Variants in OSMR observed in about 807,000 individuals in gnomAD.
The protein encoded by OSMR is oncostatin M receptor.
Under a neutral mutation model 99.9 loss-of-function variants are expected in OSMR, and 81 were observed. The observed-to-expected ratio is 0.81, with a 90% confidence interval of 0.68 to 0.97. OSMR has a LOEUF of 0.97. Among genes scored for constraint, OSMR ranks in the 50% least tolerant of loss-of-function variants. The pLI is 0.00. For missense variants in OSMR, 1,099 were observed against 1,153.4 expected (o/e 0.95, Z 0.68); for synonymous variants, 406 against 410.4 (o/e 0.99, Z 0.13).
At chr5:38,929,901 A>G (rs545392720) in intron 15 of OSMR, among the ~76,000 whole-genome samples, 3 of 152,348 alleles carry the variant, frequency 2.0e-5, no homozygotes, top group Non-Finnish European at 1.5e-5. Context: ...ATATCTCCAC[A>G]GGTAGCTACT....
chr5:38,852,621 T>C (rs969354792), intron 1 of OSMR, among the ~76,000 whole-genome samples: 11 of 152,058 alleles, frequency 7.2e-5, no homozygotes. Context: ...GTATTCATGT[T>C]TTTCTACAGA....
chr5:38,906,477 G>A (rs1239939459), intron 9 of OSMR, among the ~76,000 whole-genome samples: 2 of 152,158 alleles, frequency 1.3e-5, no homozygotes, highest in Non-Finnish European at 2.9e-5. Context: ...TATAAATGAT[G>A]TTGTTTATAA....
Position 38,931,863 on chromosome 5 carries a change from CTTTCTT to C in OSMR, c.2213-15_2213-10del, listed in dbSNP as rs770502513. 3.1e-6 allele frequency: 5 copies of C among 1,608,262 alleles called. No homozygotes were observed. The highest frequency in any genetic ancestry group is 4.3e-6 in the Non-Finnish European group (5 of 1,174,992). On this transcript the variant is annotated splice_polypyrimidine_tract_variant and intron_variant, in intron 15 of 17. Transcript: ENST00000274276. The stretch of plus-strand genomic sequence containing the variant: ...GGAAAAGTACTTATTAAAAATGTCC[CTTTCTT>C]TTTCCTCGTTCAGCCTCGATGCTGA...
chr5:38,849,637 A>G (rs1467012845), intron 1 of OSMR, among the ~76,000 whole-genome samples: 2 of 152,114 alleles, frequency 1.3e-5, no homozygotes, highest in East Asian at 3.8e-4. Flanking sequence ...CCTATTTTTA[A>G]TTAAGATTTT....
In OSMR at chr5:38,901,594, C is replaced by T. The variant is rs542439370; in HGVS notation, c.992-2288C>T. Reference sequence around the variant, plus strand: ...CAAGCAAGGAGTTGCTGTTTAAAAGCGGTGTATCTGGGGGCTGCTTCAAGC... The same window carrying T: ...CAAGCAAGGAGTTGCTGTTTAAAAGTGGTGTATCTGGGGGCTGCTTCAAGC... On this transcript the variant is annotated intron_variant, in intron 7 of 17. Transcript: ENST00000274276. 3.3e-5 allele frequency among the ~76,000 whole-genome samples: 5 copies of T among 152,228 alleles called. No individual in the cohort carries two copies. The South Asian group carries it at 1.0e-3, about 32-fold the overall frequency.
intron 9 of OSMR, among the ~76,000 whole-genome samples, chr5:38,907,967 G>T (rs959031891): frequency 2.0e-5 from 3 of 152,092 alleles, no homozygotes; most frequent in Non-Finnish European, 4.4e-5. Context: ...GTGAAAGAGT[G>T]CATGGACACC....
intron 2 of OSMR, among the ~76,000 whole-genome samples, chr5:38,874,183 T>G (rs1417795065): frequency 1.3e-5 from 2 of 152,210 alleles, no homozygotes; most frequent in Non-Finnish European, 2.9e-5. Context: ...GTCTTTTCAC[T>G]TTTTTGTGAT....
In OSMR at chr5:38,903,850, A is replaced by C. The variant is rs1561385976; in HGVS notation, c.992-32A>C. ...AATGTCTTTTTGGATCTATGCTTGA[A>C]TTTTTTTGTTTCTTTTTCTTTTTTT... On this transcript the variant is annotated intron_variant, in intron 7 of 17. Transcript: ENST00000274276. The C allele has an allele frequency of 3.8e-6, 6 of 1,595,008 alleles. No individual in the cohort carries two copies. The Admixed American group carries it at 1.0e-4, about 28-fold the overall frequency.
At chr5:38,925,160 A>C (rs1409992592) in intron 14 of OSMR, 44 bp from the exon 15 acceptor site, 1 of 1,612,144 alleles carries the variant, frequency 6.2e-7, no homozygotes, top group South Asian at 1.1e-5. Flanking sequence ...CTTTTAATAA[A>C]ATCTTTTTTT....
intron 1 of OSMR, among the ~76,000 whole-genome samples, chr5:38,852,126 G>T (rs527948266): frequency 6.6e-6 from 1 of 152,284 alleles, no homozygotes; most frequent in East Asian, 1.9e-4. Context: ...CATGGATCTA[G>T]TTCATTCTTT....
intron 11 of OSMR, chr5:38,919,490 C>A: frequency 2.0e-6 from 1 of 503,166 alleles, no homozygotes; most frequent in Non-Finnish European, 3.1e-6. Context: ...CAGAGATCAT[C>A]AGAACTGGCA....
chr5:38,945,110 G>A (rs1352996060), exon 3 of OSMR: 1 of 1,371,568 alleles, frequency 7.3e-7, no homozygotes, highest in Non-Finnish European at 1.0e-6. Context: ...CACCATAACG[G>A]CTTAATTCCT....
rs541498595 is a variant in OSMR, at chr5:38,935,262, A to G, written c.*1818A>G. ...CCAATGCCTTGCACTGTGCCATTCA[A>G]CACTATGAAGAGAAACAAGTAGCCA... On this transcript the variant is annotated 3_prime_UTR_variant, in exon 18 of 18. Coordinates refer to ENST00000274276, the MANE Select transcript of OSMR (RefSeq NM_003999.3). The G allele has an allele frequency of 6.6e-6, 1 of 152,126 alleles. No individual in the cohort carries two copies. The highest frequency in any genetic ancestry group is 1.9e-4 in the East Asian group (1 of 5,142). 9.4% of individuals were successfully genotyped at this position (152,126 alleles called of 1,614,324 possible).
chr5:38,906,153 T>C (rs2112555707), intron 9 of OSMR, among the ~76,000 whole-genome samples: 1 of 140,940 alleles, frequency 7.1e-6, no homozygotes, highest in Admixed American at 7.3e-5. Flanking sequence ...ATTTTTATTA[T>C]TTTGCTTTAC....
intron 7 of OSMR, among the ~76,000 whole-genome samples, chr5:38,902,551 T>A (rs570755592): frequency 1.3e-5 from 2 of 152,368 alleles, no homozygotes; most frequent in South Asian, 4.1e-4. Context: ...AGTCTGAATT[T>A]TCTTCTTTTT....
intron 1 of OSMR, among the ~76,000 whole-genome samples, chr5:38,852,717 C>CTTTTTTTT (rs1740491359): frequency 8.7e-5 from 5 of 57,430 alleles, no homozygotes; most frequent in African/African-American, 1.8e-4. Flanking sequence ...CTATTGTTTT[C>CTTTTTTTT]ATTTTTTTTT....
intron 1 of OSMR, among the ~76,000 whole-genome samples, chr5:38,860,398 T>G (rs1463185185): frequency 6.6e-6 from 1 of 152,252 alleles, no homozygotes; most frequent in Admixed American, 6.5e-5. Context: ...GAACCATCCC[T>G]GCATCCCGGG....
At chr5:38,928,622 G>C (rs551881545) in intron 15 of OSMR, among the ~76,000 whole-genome samples, 1 of 152,052 alleles carries the variant, frequency 6.6e-6, no homozygotes, top group South Asian at 2.1e-4. Context: ...CTCCCACCAG[G>C]TCCCTCCCAT....
chr5:38,890,134 T>C (rs1744058259), intron 7 of OSMR, among the ~76,000 whole-genome samples: 1 of 152,260 alleles, frequency 6.6e-6, no homozygotes, highest in South Asian at 2.1e-4. Context: ...GTCTATGTGA[T>C]ACGTGTTCAT....
Sources: gnomAD v4.1 joint callset for allele counts (sites outside exome capture counted in the v4.1 genomes callset) on GRCh38, gnomAD v4.1.1 for gene constraint, MANE v1.5 for transcripts, NCBI Gene and HGNC (gene_info 2026-07-23, HGNC 2026-07-21) for gene names.